USP15: variants seen among roughly 807,000 people sequenced by gnomAD.
The protein encoded by USP15 is ubiquitin specific peptidase 15, also known as ubiquitin carboxyl-terminal hydrolase 15.
In USP15, 18 loss-of-function variants were observed where a neutral mutation model predicts 127.1. That is an observed-to-expected ratio of 0.14 (90% CI 0.10 to 0.21). The LOEUF (loss-of-function observed/expected upper bound fraction) is 0.21. Ranked by LOEUF, USP15 falls within the 10% of genes least tolerant of loss-of-function variation. USP15 has a pLI of 1.00. For missense variants in USP15, 805 were observed against 1,159.9 expected (o/e 0.69, Z 4.44); for synonymous variants, 364 against 393.7 (o/e 0.92, Z 0.89).
Position 62,407,353 on chromosome 12 carries a change from C to T in USP15, c.*2978C>T, listed in dbSNP as rs939051000. ...ACTACCTCTCACTGTGTTATAGTGT[C>T]TGCCTCATAGGATTGTTGAGAGCTC... On this transcript the variant is annotated 3_prime_UTR_variant, in exon 22 of 22. Coordinates refer to ENST00000280377, the MANE Select transcript of USP15 (RefSeq NM_001252078.2). 2.7e-4 allele frequency: 41 copies of T among 152,140 alleles called. No individual in the cohort carries two copies. The highest frequency in any genetic ancestry group is 9.7e-4 in the African/African-American group (40 of 41,448). The allele number at this position is 152,140 out of a possible 1,614,324, so 9.4% of individuals were successfully genotyped here. A position where few individuals can be genotyped will look rare whatever the true frequency, so the allele number is the denominator to read the frequency against.
chr12:62,390,135 C>A, intron 14 of USP15, 147 bp downstream of exon 14: 1 of 881,752 alleles, frequency 1.1e-6, no homozygotes, highest in Non-Finnish European at 1.6e-6. Flanking sequence ...GATTATAGTC[C>A]TAATCCACTT....
At chr12:62,349,970 A>G (rs182082531) in intron 7 of USP15, among the ~76,000 whole-genome samples, 2 of 152,068 alleles carry the variant, frequency 1.3e-5, no homozygotes, top group East Asian at 1.9e-4. Flanking sequence ...ATTATTTGTA[A>G]TTAGCCCAAA....
At chr12:62,299,758 C>T (rs761264245) in intron 2 of USP15, among the ~76,000 whole-genome samples, 1 of 152,180 alleles carries the variant, frequency 6.6e-6, no homozygotes, top group Non-Finnish European at 1.5e-5. Context: ...TTTCCAAAGT[C>T]ATTGCATCCT....
Position 62,406,930 on chromosome 12 carries a change from A to G in USP15, c.*2555A>G, listed in dbSNP as rs1592752184. 1 of 151,832 alleles carries G rather than the reference A, an allele frequency of 6.6e-6. No individual in the cohort carries two copies. Among genetic ancestry groups the G allele is most frequent in the Non-Finnish European group, 1.5e-5 (1 of 68,036 alleles). The allele number at this position is 151,832 out of a possible 1,614,324, so 9.4% of individuals were successfully genotyped here. Reference sequence around the variant, plus strand: ...CAGTTAGCCGAAATCACACCCCTGCACTCCAGCCTGTGCAACATAGCAAGA... The same window carrying G: ...CAGTTAGCCGAAATCACACCCCTGCGCTCCAGCCTGTGCAACATAGCAAGA... On this transcript the variant is annotated 3_prime_UTR_variant, in exon 22 of 22. Coordinates refer to ENST00000280377, the MANE Select transcript of USP15 (RefSeq NM_001252078.2).
rs1364035481 is a variant in USP15 at position 62,406,304 on chromosome 12, C to G, written c.*1929C>G. 1 of 152,062 alleles carries G rather than the reference C, an allele frequency of 6.6e-6. No individual in the cohort carries two copies. The highest frequency in any genetic ancestry group is 2.4e-5 in the African/African-American group (1 of 41,414). 9.4% of individuals were successfully genotyped at this position (152,062 alleles called of 1,614,324 possible). ...ATTTTTGTCCACTTTAATATTTATT[C>G]ATTAAACATATGTTTGTGTACCAAT... On this transcript the variant is annotated 3_prime_UTR_variant, in exon 22 of 22. Coordinates refer to ENST00000280377, the MANE Select transcript of USP15 (RefSeq NM_001252078.2).
chr12:62,404,392 C>G lies in USP15; in HGVS notation c.*17C>G. The G allele has an allele frequency of 6.4e-7, 1 of 1,554,542 alleles. No homozygotes were observed. The highest frequency in any genetic ancestry group is 8.7e-7 in the Non-Finnish European group (1 of 1,148,108). Reference sequence around the variant, plus strand: ...ACTAACTAATGAAAGTCCTAGAAGCCATAAAAGAGACACTTTCCTGCTGGT... The same window carrying G: ...ACTAACTAATGAAAGTCCTAGAAGCGATAAAAGAGACACTTTCCTGCTGGT... On this transcript the variant is annotated 3_prime_UTR_variant, in exon 22 of 22. Coordinates refer to ENST00000280377, the MANE Select transcript of USP15 (RefSeq NM_001252078.2).
intron 19 of USP15, among the ~76,000 whole-genome samples, chr12:62,395,995 G>A (rs766752544): frequency 1.3e-4 from 19 of 151,886 alleles, no homozygotes; most frequent in Admixed American, 7.2e-4. Context: ...CCATTGCTGC[G>A]ACAAACATGG....
intron 3 of USP15, chr12:62,314,098 T>C: frequency 1.4e-6 from 1 of 730,654 alleles, no homozygotes; most frequent in Non-Finnish European, 1.7e-6. Context: ...TTTTTATGCT[T>C]TATGGCTTGC....
intron 2 of USP15, among the ~76,000 whole-genome samples, chr12:62,299,276 G>C (rs2064231872): frequency 6.6e-6 from 1 of 152,012 alleles, no homozygotes; most frequent in African/African-American, 2.4e-5. Flanking sequence ...ACACCTGGCT[G>C]ATCTTTGCAT....
chr12:62,360,343 A>T (rs567340636), intron 8 of USP15, among the ~76,000 whole-genome samples: 1 of 152,138 alleles, frequency 6.6e-6, no homozygotes, highest in East Asian at 1.9e-4. Context: ...TTTTTCTATG[A>T]TCTGTTTATT....
chr12:62,265,315 A>G (rs897625343), intron 1 of USP15, among the ~76,000 whole-genome samples: 1 of 152,210 alleles, frequency 6.6e-6, no homozygotes, highest in African/African-American at 2.4e-5. Context: ...GACCTGTAAT[A>G]TTACATTTAA....
At chr12:62,311,271 A>G (rs1288145782) in intron 3 of USP15, among the ~76,000 whole-genome samples, 1 of 151,940 alleles carries the variant, frequency 6.6e-6, no homozygotes, top group Non-Finnish European at 1.5e-5. Context: ...ATTGTGAAAC[A>G]TTACTGGGTA....
rs746524712 is a variant in USP15, at chr12:62,392,203, G to A, written c.2305-69G>A. ...TTAGGAGTTTTCATTATTATTCATA[G>A]TAAGATGGTATCACTAAAATGAGTT... On this transcript the variant is annotated intron_variant, in intron 17 of 21. Transcript: ENST00000280377. The A allele has an allele frequency of 1.8e-4, 181 of 1,000,254 alleles. 1 individual carries two copies. Among genetic ancestry groups the A allele is most frequent in the Middle Eastern group, 1.2e-3 (4 of 3,204 alleles). The allele number at this position is 1,000,254 out of a possible 1,614,324, so 62.0% of individuals were successfully genotyped here.
At chr12:62,273,757 T>G (rs1512024) in intron 1 of USP15, among the ~76,000 whole-genome samples, 130,707 of 151,980 alleles carry the variant, frequency 0.86, 56,421 homozygotes, top group African/African-American at 0.93. Flanking sequence ...CATGAATCTC[T>G]TATAGGCATG....
intron 6 of USP15, among the ~76,000 whole-genome samples, chr12:62,348,679 A>G (rs1012194978): frequency 6.6e-5 from 10 of 152,214 alleles, no homozygotes; most frequent in African/African-American, 2.4e-4. Flanking sequence ...TTCTGAATTA[A>G]TAAGGTATGT....
At chr12:62,358,685 CA>C (rs1328668854) in intron 8 of USP15, among the ~76,000 whole-genome samples, 3 of 152,110 alleles carry the variant, frequency 2.0e-5, no homozygotes, top group African/African-American at 7.2e-5. Context: ...CATTACACTC[CA>C]GCCTGGGTGA....
intron 21 of USP15, among the ~76,000 whole-genome samples, chr12:62,403,717 G>C (rs2067770448): frequency 6.6e-6 from 1 of 151,996 alleles, no homozygotes; most frequent in African/African-American, 2.4e-5. Flanking sequence ...ATGCCAAAGA[G>C]ACAAGTCCAG....
In USP15 at chr12:62,349,229, G is replaced by A; in HGVS notation, c.692G>A (p.Gly231Asp). Residue 231 changes from glycine to aspartate, a missense_variant, in exon 7 of 22, where the codon GGT (glycine) becomes GAT (aspartate). Transcript: ENST00000280377. ...TTTTCATATTTTTAAAGGTCCCCAGGTGCATCCAATTTTTCAACTTTACCA... is the reference window on the plus strand; with the variant it reads ...TTTTCATATTTTTAAAGGTCCCCAGATGCATCCAATTTTTCAACTTTACCA... ...PRGPSTPKSP[G>D]ASNFSTLPKI... 2 of 1,495,472 alleles carry A rather than the reference G, an allele frequency of 1.3e-6. No individual in the cohort carries two copies. The highest frequency in any genetic ancestry group is 8.9e-7 in the Non-Finnish European group (1 of 1,125,052). 92.6% of individuals were successfully genotyped at this position (1,495,472 alleles called of 1,614,324 possible).
In USP15 at chr12:62,365,808, G is replaced by C. The variant is rs1370399572; in HGVS notation, c.915+10333G>C. Among the ~76,000 whole-genome samples, 5 of 152,154 alleles carry C rather than the reference G, an allele frequency of 3.3e-5. No individual in the cohort carries two copies. The East Asian group carries it at 7.7e-4, about 23-fold the overall frequency. ...TTCCCAACAACATTTATTAAATAGA[G>C]AATCCTTTCCCCGTTGCTTGTTTGT... On this transcript the variant is annotated intron_variant, in intron 8 of 21. Transcript: ENST00000280377.
Sources: gnomAD v4.1 joint callset for allele counts (sites outside exome capture counted in the v4.1 genomes callset) on GRCh38, gnomAD v4.1.1 for gene constraint, MANE v1.5 for transcripts, NCBI Gene and HGNC (gene_info 2026-07-23, HGNC 2026-07-21) for gene names.